Variants in PEPD observed in about 807,000 individuals in gnomAD.
The protein encoded by PEPD is xaa-Pro dipeptidase.
In PEPD, 53 loss-of-function variants were observed where a neutral mutation model predicts 60.7. The ratio of observed to expected loss-of-function variants is 0.87; its 90% CI spans 0.70 to 1.10. PEPD has a LOEUF of 1.10. Ranked by LOEUF, PEPD falls within the 50% of genes least tolerant of loss-of-function variation. The probability of loss-of-function intolerance (pLI) is 0.00; values close to 1 mark genes in which losing one functional copy is unlikely to be tolerated. For missense variants in PEPD, 711 were observed against 711.9 expected (o/e 1.00, Z 0.01); for synonymous variants, 267 against 284.1 (o/e 0.94, Z 0.60).
intron 13 of PEPD, among the ~76,000 whole-genome samples, chr19:33,389,859 C>T (rs1453421388): frequency 1.3e-5 from 2 of 152,268 alleles, no homozygotes; most frequent in African/African-American, 4.8e-5. Context: ...TAGGGGCCTG[C>T]CCGGGGGACC....
At chr19:33,513,780 G>A (rs1015743708) in intron 1 of PEPD, among the ~76,000 whole-genome samples, 7 of 151,538 alleles carry the variant, frequency 4.6e-5, no homozygotes, top group Admixed American at 2.0e-4. Flanking sequence ...GGGCATCCTC[G>A]CTCTTCCCTA....
rs551308249 is a variant in PEPD, at chr19:33,486,583, C to T, written c.503+3413G>A. On this transcript the variant is annotated intron_variant, in intron 6 of 14. Transcript: ENST00000244137. The stretch of plus-strand genomic sequence containing the variant: ...GCCCACCTCTGCCCTGTCCCCTCTG[C>T]TCCTTGTCCTCTGCTGTCCCCACAC... 9.2e-5 allele frequency among the ~76,000 whole-genome samples: 14 copies of T among 152,276 alleles called. No homozygotes were observed. The South Asian group carries it at 2.7e-3, about 29-fold the overall frequency.
intron 9 of PEPD, among the ~76,000 whole-genome samples, chr19:33,459,032 A>AG (rs1396614864): frequency 6.6e-6 from 1 of 151,962 alleles, no homozygotes; most frequent in Non-Finnish European, 1.5e-5. Context: ...TTGAATGAGA[A>AG]GGAGCACAGC....
At chr19:33,501,432 G>T (rs1009332774) in intron 3 of PEPD, among the ~76,000 whole-genome samples, 2 of 152,160 alleles carry the variant, frequency 1.3e-5, no homozygotes, top group Non-Finnish European at 2.9e-5. Context: ...CAGAATCCCA[G>T]CACTTTGGGA....
chr19:33,423,776 T>C (rs1969086192), intron 9 of PEPD, among the ~76,000 whole-genome samples: 1 of 152,248 alleles, frequency 6.6e-6, no homozygotes, highest in African/African-American at 2.4e-5. Context: ...CTTAATTTTC[T>C]TTATGGCATT....
intron 12 of PEPD, among the ~76,000 whole-genome samples, chr19:33,397,650 A>T (rs1238207888): frequency 6.7e-6 from 1 of 149,508 alleles, no homozygotes; most frequent in Non-Finnish European, 1.5e-5. Context: ...TTACACAGGG[A>T]TCCTCCAGAC....
intron 9 of PEPD, among the ~76,000 whole-genome samples, chr19:33,429,585 A>G (rs1969228203): frequency 6.6e-6 from 1 of 152,282 alleles, no homozygotes; most frequent in Non-Finnish European, 1.5e-5. Context: ...TTTAAAAGAA[A>G]GTCATCAGAC....
intron 4 of PEPD, among the ~76,000 whole-genome samples, chr19:33,496,704 G>A (rs1439432696): frequency 6.6e-6 from 1 of 152,224 alleles, no homozygotes; most frequent in Non-Finnish European, 1.5e-5. Context: ...AAATGACCCT[G>A]CCTTGCTTCA....
At chr19:33,444,817 C>CT (rs1305504404) in intron 9 of PEPD, among the ~76,000 whole-genome samples, 2 of 152,144 alleles carry the variant, frequency 1.3e-5, no homozygotes, top group African/African-American at 4.8e-5. Context: ...CACCATGTCT[C>CT]TCTCCACGTG....
intron 9 of PEPD, among the ~76,000 whole-genome samples, chr19:33,443,892 C>G (rs1366318819): frequency 1.3e-5 from 2 of 151,616 alleles, no homozygotes; most frequent in African/African-American, 4.9e-5. Context: ...CACACACACA[C>G]AGTATCCTCA....
intron 11 of PEPD, among the ~76,000 whole-genome samples, chr19:33,406,035 G>A (rs766293220): frequency 5.9e-5 from 9 of 152,238 alleles, no homozygotes; most frequent in Non-Finnish European, 8.8e-5. Context: ...AGGGGCCCCG[G>A]GTCCCAGAAG....
chr19:33,498,745 G>A (rs1206706914), intron 4 of PEPD, among the ~76,000 whole-genome samples: 2 of 151,488 alleles, frequency 1.3e-5, no homozygotes, highest in East Asian at 2.0e-4. Context: ...GGGTCCTGGA[G>A]GCAGGTGCCC....
chr19:33,396,704 G>A (rs1404981645), intron 12 of PEPD, among the ~76,000 whole-genome samples: 1 of 151,626 alleles, frequency 6.6e-6, no homozygotes, highest in Non-Finnish European at 1.5e-5. Context: ...GGAGGCCAGG[G>A]AGGGTGGGGG....
chr19:33,480,840 G>GTA (rs60635743), intron 6 of PEPD, among the ~76,000 whole-genome samples: 12 of 150,856 alleles, frequency 8.0e-5, no homozygotes, highest in East Asian at 1.9e-4. Flanking sequence ...GTGTGTGTGT[G>GTA]TATATCAAAA....
intron 7 of PEPD, among the ~76,000 whole-genome samples, chr19:33,468,954 CCAGCAG>C (rs922270634): frequency 3.3e-5 from 5 of 152,134 alleles, no homozygotes; most frequent in African/African-American, 1.2e-4. Context: ...AGGACAGGGG[CCAGCAG>C]CTCAGGCTCC....
At chr19:33,482,746 T>C (rs981636437) in intron 6 of PEPD, among the ~76,000 whole-genome samples, 1 of 152,216 alleles carries the variant, frequency 6.6e-6, no homozygotes, top group African/African-American at 2.4e-5. Flanking sequence ...CAGCCAAAAG[T>C]TGGAAGCAAC....
intron 11 of PEPD, 40 bp downstream of exon 11, chr19:33,411,632 G>C (rs752241558): frequency 4.3e-6 from 5 of 1,172,530 alleles, no homozygotes; most frequent in Non-Finnish European, 5.1e-6. Flanking sequence ...CCTTGGCCTG[G>C]CTGTTCACAC....
chr19:33,498,320 C>T (rs1470274776), intron 4 of PEPD, among the ~76,000 whole-genome samples: 2 of 152,164 alleles, frequency 1.3e-5, no homozygotes, highest in Non-Finnish European at 2.9e-5. Context: ...GCTTTGTATA[C>T]GAAGACGAAG....
chr19:33,487,408 G>A (rs1019481033), intron 6 of PEPD: 2 of 152,562 alleles, frequency 1.3e-5, no homozygotes, highest in East Asian at 1.9e-4. Flanking sequence ...GCAGTGAGGT[G>A]GAAGGCCCCG....
Sources: gnomAD v4.1 joint callset for allele counts (sites outside exome capture counted in the v4.1 genomes callset) on GRCh38, gnomAD v4.1.1 for gene constraint, MANE v1.5 for transcripts, NCBI Gene and HGNC (gene_info 2026-07-23, HGNC 2026-07-21) for gene names.